Variants in MALRD1 observed in about 807,000 individuals in gnomAD.
MALRD1 encodes the protein MAM and LDL-receptor class A domain-containing protein 1.
In MALRD1, 247 loss-of-function variants were observed where a neutral mutation model predicts 242.1. That is an observed-to-expected ratio of 1.02 (90% confidence interval 0.92 to 1.13). The LOEUF is 1.13. MALRD1 is among the 50% of genes most tolerant of loss of function. The probability of loss-of-function intolerance (pLI) is 0.00; values close to 1 mark genes in which losing one functional copy is unlikely to be tolerated. For missense variants in MALRD1, 2,989 were observed against 2,533.1 expected (o/e 1.18, Z -3.86); for synonymous variants, 995 against 866.6 (o/e 1.15, Z -2.60).
chr10:19,124,911 G>A (rs531007989), intron 7 of MALRD1, among the ~76,000 whole-genome samples: 5 of 129,224 alleles, frequency 3.9e-5, no homozygotes, highest in Admixed American at 7.8e-5. Context: ...ATTTATTATC[G>A]TGTGAACAAA....
intron 8 of MALRD1, among the ~76,000 whole-genome samples, chr10:19,130,370 A>G (rs1475495320): frequency 6.6e-6 from 1 of 152,166 alleles, no homozygotes; most frequent in African/African-American, 2.4e-5. Context: ...AACATTCTAT[A>G]ATTTCCAACT....
intron 36 of MALRD1, among the ~76,000 whole-genome samples, chr10:19,679,866 G>A (rs183034884): frequency 1.7e-4 from 26 of 152,018 alleles, no homozygotes; most frequent in Non-Finnish European, 2.2e-4. Context: ...TGTTCTCATT[G>A]GTTTCAAATA....
chr10:19,367,078 G>A (rs1341765271), intron 26 of MALRD1, among the ~76,000 whole-genome samples: 1 of 152,056 alleles, frequency 6.6e-6, no homozygotes, highest in African/African-American at 2.4e-5. Context: ...AGGGTAATTT[G>A]CATATCCATT....
chr10:19,357,086 G>C (rs1468580669), intron 26 of MALRD1, among the ~76,000 whole-genome samples: 1 of 150,498 alleles, frequency 6.6e-6, no homozygotes, highest in Non-Finnish European at 1.5e-5. Flanking sequence ...CTCCAGCCTG[G>C]GCGACAGAGT....
At chr10:19,477,162 A>G (rs868135393) in intron 29 of MALRD1, among the ~76,000 whole-genome samples, 16 of 152,174 alleles carry the variant, frequency 1.1e-4, no homozygotes, top group Non-Finnish European at 1.6e-4. Context: ...TTTTAATCTT[A>G]TATTTTACCT....
At chr10:19,601,254 G>C (rs1181514318) in intron 34 of MALRD1, among the ~76,000 whole-genome samples, 1 of 152,020 alleles carries the variant, frequency 6.6e-6, no homozygotes, top group African/African-American at 2.4e-5. Context: ...ATTATTCATG[G>C]AAACATTTTG....
chr10:19,082,309 A>T (rs969210353), intron 2 of MALRD1, among the ~76,000 whole-genome samples: 2 of 151,592 alleles, frequency 1.3e-5, no homozygotes, highest in Non-Finnish European at 2.9e-5. Flanking sequence ...AGTTCTGTTC[A>T]CTTCTTCTTT....
intron 36 of MALRD1, among the ~76,000 whole-genome samples, chr10:19,676,306 T>G (rs558014293): frequency 6.6e-6 from 1 of 152,298 alleles, no homozygotes; most frequent in South Asian, 2.1e-4. Context: ...GTTCAGAGCC[T>G]GGTACAGTAC....
intron 21 of MALRD1, among the ~76,000 whole-genome samples, chr10:19,317,770 G>A (rs768841986): frequency 1.3e-5 from 2 of 152,004 alleles, no homozygotes; most frequent in Non-Finnish European, 2.9e-5. Context: ...CTTAATCTGT[G>A]TGATAGTAAG....
chr10:19,052,178 G>C (rs1834527868), intron 1 of MALRD1: 2 of 388,428 alleles, frequency 5.1e-6, no homozygotes, highest in Non-Finnish European at 1.0e-5. Flanking sequence ...AAAATAAACA[G>C]TATTACAGCA....
chr10:19,277,933 C>T (rs1269207496), intron 19 of MALRD1, among the ~76,000 whole-genome samples: 2 of 152,162 alleles, frequency 1.3e-5, no homozygotes, highest in African/African-American at 4.8e-5. Context: ...GTTAACTATT[C>T]TAACTATTAT....
chr10:19,280,683 A>G (rs1840760290), intron 20 of MALRD1, among the ~76,000 whole-genome samples: 1 of 152,210 alleles, frequency 6.6e-6, no homozygotes, highest in Admixed American at 6.5e-5. Flanking sequence ...TCTTAATGCA[A>G]ATGAGACCTT....
At chr10:19,313,374 C>G (rs1271328540) in intron 21 of MALRD1, among the ~76,000 whole-genome samples, 1 of 151,338 alleles carries the variant, frequency 6.6e-6, no homozygotes, top group East Asian at 1.9e-4. Flanking sequence ...AAAGACTGAT[C>G]TAAAATCTGT....
chr10:19,324,237 G>GAA, intron 22 of MALRD1, 132 bp downstream of exon 22: 6 of 844,810 alleles, frequency 7.1e-6, no homozygotes, highest in Non-Finnish European at 1.1e-5. Context: ...GATTTATAGT[G>GAA]GTATATGGAG....
chr10:19,673,108 C>T (rs1215764271), intron 36 of MALRD1, among the ~76,000 whole-genome samples: 3 of 152,020 alleles, frequency 2.0e-5, no homozygotes, highest in South Asian at 2.1e-4. Flanking sequence ...TTTGGTCGGG[C>T]GCAGTGGCTC....
At chr10:19,689,663 C>T (rs1842741653) in intron 36 of MALRD1, among the ~76,000 whole-genome samples, 1 of 152,000 alleles carries the variant, frequency 6.6e-6, no homozygotes, top group Non-Finnish European at 1.5e-5. Context: ...GAAAATAATA[C>T]AATTTTATTT....
rs529853748 is a variant in MALRD1, at chr10:19,466,285, G to A, written c.5029+15795G>A. On this transcript the variant is annotated intron_variant, in intron 29 of 39. Coordinates refer to ENST00000454679, the MANE Select transcript of MALRD1 (RefSeq NM_001142308.3). ...TTGATTTTCATTGTCTTCGCATATT[G>A]TTCCTAGTAATTTTGATGAAAATTT... Among the ~76,000 whole-genome samples the A allele has an allele frequency of 3.9e-5, 6 of 152,034 alleles. No individual in the cohort carries two copies. The South Asian group carries it at 1.2e-3, about 32-fold the overall frequency.
chr10:19,294,675 G>C (rs1428551522), intron 21 of MALRD1, among the ~76,000 whole-genome samples: 2 of 152,000 alleles, frequency 1.3e-5, no homozygotes, highest in East Asian at 3.9e-4. Flanking sequence ...AGATACCCAA[G>C]GCATTCTCTA....
chr10:19,582,540 C>T (rs1442970142), intron 33 of MALRD1, among the ~76,000 whole-genome samples: 9 of 134,118 alleles, frequency 6.7e-5, no homozygotes, highest in East Asian at 2.2e-4. Context: ...TGTAGATATG[C>T]GGCATTATTT....
Sources: allele counts gnomAD v4.1 joint callset (sites outside exome capture counted in the v4.1 genomes callset), GRCh38; gene constraint gnomAD v4.1.1; transcripts MANE v1.5; gene names NCBI Gene and HGNC (gene_info 2026-07-23, HGNC 2026-07-21).